Variants in POU2F1 observed in about 807,000 individuals in gnomAD.
POU2F1 encodes the protein POU class 2 homeobox 1, also known as POU domain, class 2, transcription factor 1.
In POU2F1, 16 loss-of-function variants were observed where a neutral mutation model predicts 84.9. The ratio of observed to expected loss-of-function variants is 0.19; its 90% CI spans 0.13 to 0.29. POU2F1 has a LOEUF of 0.29. POU2F1 is among the 10% of genes least tolerant of loss of function. POU2F1 has a pLI of 1.00. For synonymous variants in POU2F1, 368 were observed against 368.3 expected (o/e 1.00, Z 0.01); for missense variants, 738 against 942.6 (o/e 0.78, Z 2.84).
chr1:167,412,349 C>T, intron 14 of POU2F1, 45 bp downstream of exon 14: 2 of 1,452,008 alleles, frequency 1.4e-6, no homozygotes, highest in African/African-American at 1.4e-5. Context: ...TGGAGGTCAT[C>T]CCTGGAATTA....
rs569909978 is a variant in POU2F1, at chr1:167,427,123, C to G, written c.*11313C>G. 1.3e-5 allele frequency: 2 copies of G among 152,160 alleles called. No individual in the cohort carries two copies. Among genetic ancestry groups the G allele is most frequent in the South Asian group, 2.1e-4 (1 of 4,832 alleles). 9.4% of individuals were successfully genotyped at this position (152,160 alleles called of 1,614,324 possible). A position where few individuals can be genotyped will look rare whatever the true frequency, so the allele number is the denominator to read the frequency against. ...GGAATATGAGCGGTGCTGTCTCTCT[C>G]AAAAGTGCCCTTTAGATGATTCCCC... On this transcript the variant is annotated 3_prime_UTR_variant, in exon 16 of 16. Transcript: ENST00000367866.
At chr1:167,411,848 A>G in intron 13 of POU2F1, 111 bp from the exon 14 acceptor site, 1 of 982,248 alleles carries the variant, frequency 1.0e-6, no homozygotes, top group Non-Finnish European at 1.5e-6. Flanking sequence ...GGACAGCTTT[A>G]CTAGGTGGTA....
chr1:167,299,525 T>C (rs1571254043), intron 1 of POU2F1, among the ~76,000 whole-genome samples: 2 of 152,292 alleles, frequency 1.3e-5, no homozygotes, highest in Middle Eastern at 3.4e-3. Context: ...GTGGATTGAA[T>C]GTTCTACGTG....
chr1:167,372,142 T>C, intron 5 of POU2F1, 106 bp downstream of exon 5: 1 of 1,398,524 alleles, frequency 7.2e-7, no homozygotes, highest in East Asian at 2.4e-5. Context: ...AACATGGCTA[T>C]GCCTGGCACT....
At position 167,422,388 on chromosome 1, in the gene POU2F1, TAACAC is replaced by T. The variant is rs1650702045; in HGVS notation, c.*6584_*6588del. On this transcript the variant is annotated 3_prime_UTR_variant, in exon 16 of 16. Coordinates refer to ENST00000367866, the MANE Select transcript of POU2F1 (RefSeq NM_002697.4). The stretch of plus-strand genomic sequence containing the variant: ...GTCAAGTTACTGAATGTTGTGCTAA[TAACAC>T]AACACTTTAAAACCTTACTTACTTT... The T allele has an allele frequency of 6.6e-6, 1 of 152,254 alleles. No individual in the cohort carries two copies. Among genetic ancestry groups the T allele is most frequent in the African/African-American group, 2.4e-5 (1 of 41,452 alleles). 9.4% of individuals were successfully genotyped at this position (152,254 alleles called of 1,614,324 possible).
Position 167,220,921 on chromosome 1 carries a change from T to C in POU2F1, c.24T>C (p.Ser8=). The change falls in exon 1 of 16, where the codon AGT becomes AGC. Residue 8 remains serine, a synonymous_variant. Transcript: ENST00000367866. MADGGAA[S]QDESSAAAAA... ...AAATGGCGGACGGAGGAGCAGCGAG[T>C]CAAGATGAGAGTTCAGCCGCGGCGG... is the stretch of plus-strand genomic sequence containing the variant. 1 of 1,534,620 alleles carries C rather than the reference T, an allele frequency of 6.5e-7. No homozygotes were observed.
At chr1:167,222,304 C>G (rs996263387) in intron 1 of POU2F1, among the ~76,000 whole-genome samples, 1 of 152,178 alleles carries the variant, frequency 6.6e-6, no homozygotes, top group Admixed American at 6.5e-5. Flanking sequence ...CTCTGCTTAG[C>G]TGAACCTCTT....
intron 2 of POU2F1, among the ~76,000 whole-genome samples, chr1:167,342,183 T>G (rs1657904148): frequency 6.6e-6 from 1 of 152,096 alleles, no homozygotes; most frequent in Non-Finnish European, 1.5e-5. Flanking sequence ...GGGTGGGGCC[T>G]TTGCTGGGGA....
intron 1 of POU2F1, 110 bp downstream of exon 1, chr1:167,221,068 C>CGGCGGGGAGAGGGGGG: frequency 1.0e-6 from 1 of 999,696 alleles, no homozygotes; most frequent in Admixed American, 2.2e-5. Flanking sequence ...TTATAATTAA[C>CGGCGGGGAGAGGGGGG]GGCGGGGAGA....
intron 2 of POU2F1, among the ~76,000 whole-genome samples, chr1:167,346,195 T>C (rs906777478): frequency 3.3e-5 from 5 of 151,854 alleles, no homozygotes; most frequent in African/African-American, 1.2e-4. Context: ...AAAAGAATAA[T>C]GTTAATGAAA....
chr1:167,361,374 T>C lies in POU2F1; in HGVS notation c.128-4093T>C, dbSNP rs1228112244. Among the ~76,000 whole-genome samples, 7 of 152,198 alleles carry C rather than the reference T, an allele frequency of 4.6e-5. No individual in the cohort carries two copies. The East Asian group carries it at 1.3e-3, about 29-fold the overall frequency. On this transcript the variant is annotated intron_variant, in intron 2 of 15. Coordinates refer to ENST00000367866, the MANE Select transcript of POU2F1 (RefSeq NM_002697.4). Reference sequence around the variant, plus strand: ...TCAATGCCTAGTTTATTAGGAGTTTTTATTATAAAGGGATGTTAGATTTTA... The same window carrying C: ...TCAATGCCTAGTTTATTAGGAGTTTCTATTATAAAGGGATGTTAGATTTTA...
chr1:167,383,878 T>G lies in POU2F1; in HGVS notation c.740T>G (p.Leu247Arg). 2 of 1,613,896 alleles carry G rather than the reference T, an allele frequency of 1.2e-6. No homozygotes were observed. The highest frequency in any genetic ancestry group is 1.7e-6 in the Non-Finnish European group (2 of 1,179,864). The change falls in exon 8 of 16, where the codon CTT becomes CGT. Residue 247 changes from leucine (L) to arginine (R), a missense_variant. Coordinates refer to ENST00000367866, the MANE Select transcript of POU2F1 (RefSeq NM_002697.4). ...ACAGGTCTCCTGCAAGCGCAAAATC[T>G]TCTAACGCAACTACCTCAGCAAAGC... is the stretch of plus-strand genomic sequence containing the variant. The part of the protein sequence containing the change: ...GQQGLLQAQN[L>R]LTQLPQQSQA...
intron 3 of POU2F1, among the ~76,000 whole-genome samples, chr1:167,368,907 G>A (rs1659847417): frequency 6.6e-6 from 1 of 152,116 alleles, no homozygotes; most frequent in African/African-American, 2.4e-5. Context: ...CTCTGTCCCT[G>A]TTAGTGGTAC....
chr1:167,268,228 T>C (rs1652120313), intron 1 of POU2F1, among the ~76,000 whole-genome samples: 2 of 152,202 alleles, frequency 1.3e-5, no homozygotes, highest in African/African-American at 4.8e-5. Context: ...TTTTATACCT[T>C]ATTTATCTAC....
intron 1 of POU2F1, among the ~76,000 whole-genome samples, chr1:167,239,824 C>T (rs1649768113): frequency 1.3e-5 from 2 of 151,992 alleles, no homozygotes; most frequent in African/African-American, 4.8e-5. Context: ...CAGGGTTATA[C>T]TTTACACCGT....
chr1:167,287,604 C>A (rs1014471027), intron 1 of POU2F1, among the ~76,000 whole-genome samples: 1 of 152,174 alleles, frequency 6.6e-6, no homozygotes, highest in African/African-American at 2.4e-5. Flanking sequence ...GCTTTGTTTT[C>A]TCTGAGTCTC....
chr1:167,301,041 A>G (rs1175579140), intron 1 of POU2F1, among the ~76,000 whole-genome samples: 1 of 152,230 alleles, frequency 6.6e-6, no homozygotes, highest in Non-Finnish European at 1.5e-5. Flanking sequence ...AAGTGCTGAG[A>G]TTATAGGTGT....
chr1:167,267,995 A>G (rs1435643475), intron 1 of POU2F1, among the ~76,000 whole-genome samples: 2 of 151,998 alleles, frequency 1.3e-5, no homozygotes, highest in Non-Finnish European at 2.9e-5. Context: ...GTAAACTGCT[A>G]ATCTGTGTTT....
chr1:167,228,290 A>G (rs1405203711), intron 1 of POU2F1, among the ~76,000 whole-genome samples: 1 of 152,224 alleles, frequency 6.6e-6, no homozygotes, highest in Non-Finnish European at 1.5e-5. Context: ...TGTGGTGTGC[A>G]GGATGGTTTG....
Sources: allele counts gnomAD v4.1 joint callset (sites outside exome capture counted in the v4.1 genomes callset), GRCh38; gene constraint gnomAD v4.1.1; transcripts MANE v1.5; gene names NCBI Gene and HGNC (gene_info 2026-07-23, HGNC 2026-07-21).